The following RAPGEF2 variants were observed in gnomAD, a reference collection of about 807,000 sequenced individuals.
RAPGEF2 encodes the protein PDZ domain containing guanine nucleotide exchange factor (GEF) 1.
A neutral mutation model predicts 186.7 loss-of-function variants in RAPGEF2; 54 were observed. That is an observed-to-expected ratio of 0.29 (90% CI 0.23 to 0.36). The LOEUF (loss-of-function observed/expected upper bound fraction) is 0.36. Among genes scored for constraint, RAPGEF2 ranks in the 10% least tolerant of loss-of-function variants. The probability of loss-of-function intolerance (pLI) is 1.00; values close to 1 mark genes in which losing one functional copy is unlikely to be tolerated. For missense variants in RAPGEF2, 1,532 were observed against 2,045.0 expected (o/e 0.75, Z 4.84); for synonymous variants, 712 against 705.9 (o/e 1.01, Z -0.14).
chr4:159,344,382 G>A (rs572952621), intron 23 of RAPGEF2, among the ~76,000 whole-genome samples: 2 of 152,178 alleles, frequency 1.3e-5, no homozygotes, highest in Admixed American at 1.3e-4. Flanking sequence ...AGTAGGGGGA[G>A]GGGAGGAAGG....
In RAPGEF2 at chr4:159,300,317, T is replaced by C. The variant is rs1579834789; in HGVS notation, c.544-4025T>C. On this transcript the variant is annotated intron_variant, in intron 7 of 29. Coordinates refer to ENST00000691494, the MANE Select transcript of RAPGEF2 (RefSeq NM_001394067.2). ...TATTTAGCAGTGTTTGTGGTTAAAC[T>C]ATGATTCAACCATTTGCCTAAGAGT... Among the ~76,000 whole-genome samples the C allele has an allele frequency of 2.0e-5, 3 of 152,036 alleles. No individual in the cohort carries two copies. In the South Asian group the frequency reaches 6.2e-4, roughly 31 times the overall value.
At chr4:159,203,089 C>T (rs952316116) in intron 3 of RAPGEF2, among the ~76,000 whole-genome samples, 1 of 152,142 alleles carries the variant, frequency 6.6e-6, no homozygotes, top group African/African-American at 2.4e-5. Flanking sequence ...TCAACTTGAT[C>T]GCTTGCATTT....
chr4:159,339,464 C>G (rs139526013), intron 19 of RAPGEF2, 110 bp downstream of exon 19: 1 of 1,320,742 alleles, frequency 7.6e-7, no homozygotes, highest in Non-Finnish European at 1.0e-6. Context: ...AGTGTCCCTG[C>G]GATTAAAAAG....
intron 7 of RAPGEF2, among the ~76,000 whole-genome samples, chr4:159,256,429 T>G (rs1222137740): frequency 6.6e-6 from 1 of 152,266 alleles, no homozygotes; most frequent in Non-Finnish European, 1.5e-5. Context: ...GTATCAAGTT[T>G]TCTTTATCCA....
intron 1 of RAPGEF2, among the ~76,000 whole-genome samples, chr4:159,134,439 A>G (rs771687831): frequency 8.5e-5 from 13 of 152,262 alleles, no homozygotes; most frequent in Admixed American, 5.9e-4. Context: ...TGAAGCTGCT[A>G]TAAATGTTCA....
intron 17 of RAPGEF2, among the ~76,000 whole-genome samples, chr4:159,337,733 C>CA (rs1279696102): frequency 1.3e-5 from 2 of 149,746 alleles, no homozygotes; most frequent in African/African-American, 4.9e-5. Context: ...ACTCAAAATA[C>CA]AAAAAAATTA....
At chr4:159,218,516 G>C (rs1336169146) in intron 4 of RAPGEF2, among the ~76,000 whole-genome samples, 2 of 152,184 alleles carry the variant, frequency 1.3e-5, no homozygotes, top group East Asian at 3.8e-4. Context: ...AGCACTTTGG[G>C]AGGCTGAGGC....
chr4:159,339,474 G>A (rs1373752312), intron 19 of RAPGEF2, 120 bp downstream of exon 19: 1 of 1,272,282 alleles, frequency 7.9e-7, no homozygotes, highest in African/African-American at 1.5e-5. Flanking sequence ...CGATTAAAAA[G>A]TATTGTTGTT....
At chr4:159,261,913 T>G (rs1393780244) in intron 7 of RAPGEF2, among the ~76,000 whole-genome samples, 1 of 152,222 alleles carries the variant, frequency 6.6e-6, no homozygotes, top group African/African-American at 2.4e-5. Context: ...ATAATATTCA[T>G]GTAGGTCTTT....
chr4:159,195,381 C>T (rs577446549), intron 3 of RAPGEF2, among the ~76,000 whole-genome samples: 4 of 152,276 alleles, frequency 2.6e-5, no homozygotes, highest in Non-Finnish European at 4.4e-5. Flanking sequence ...AGTATTTTGT[C>T]TTCCTCTGAA....
intron 1 of RAPGEF2, among the ~76,000 whole-genome samples, chr4:159,107,721 G>A (rs1013688473): frequency 1.3e-5 from 2 of 152,136 alleles, no homozygotes; most frequent in African/African-American, 4.8e-5. Context: ...TTCATCGTGA[G>A]TCATAATGAG....
intron 1 of RAPGEF2, among the ~76,000 whole-genome samples, chr4:159,127,048 C>T (rs1249592612): frequency 2.0e-5 from 3 of 152,114 alleles, no homozygotes; most frequent in South Asian, 4.1e-4. Context: ...TTTCTTGAGA[C>T]GGAGTTTTGC....
chr4:159,176,323 G>A (rs896189857), intron 1 of RAPGEF2, among the ~76,000 whole-genome samples: 6 of 152,026 alleles, frequency 3.9e-5, no homozygotes, highest in East Asian at 1.9e-4. Context: ...GGCACCCTCC[G>A]CCCCCACCTC....
intron 4 of RAPGEF2, among the ~76,000 whole-genome samples, chr4:159,213,925 A>C (rs1367235738): frequency 1.3e-5 from 2 of 152,224 alleles, no homozygotes; most frequent in African/African-American, 2.4e-5. Flanking sequence ...ATATTTATAC[A>C]AGTGCCTGTA....
chr4:159,172,707 T>G (rs1746040609), intron 1 of RAPGEF2, among the ~76,000 whole-genome samples: 1 of 152,130 alleles, frequency 6.6e-6, no homozygotes. Flanking sequence ...ATAAGTAAAG[T>G]GAGATTCTTA....
intron 1 of RAPGEF2, among the ~76,000 whole-genome samples, chr4:159,116,634 C>T (rs546925890): frequency 6.6e-6 from 1 of 152,278 alleles, no homozygotes; most frequent in South Asian, 2.1e-4. Context: ...GCACTATTCA[C>T]AATAGCAAAG....
chr4:159,303,628 T>C (rs1762939304), intron 7 of RAPGEF2, among the ~76,000 whole-genome samples: 1 of 149,686 alleles, frequency 6.7e-6, no homozygotes, highest in Non-Finnish European at 1.5e-5. Flanking sequence ...TAAATATTTG[T>C]CAAATAAGCG....
At chr4:159,155,257 G>A (rs867687884) in intron 1 of RAPGEF2, among the ~76,000 whole-genome samples, 5 of 152,272 alleles carry the variant, frequency 3.3e-5, no homozygotes, top group African/African-American at 9.6e-5. Context: ...GGCAAACACA[G>A]CATTTAAAGC....
At chr4:159,282,118 G>A (rs1313149491) in intron 7 of RAPGEF2, among the ~76,000 whole-genome samples, 1 of 152,152 alleles carries the variant, frequency 6.6e-6, no homozygotes, top group Non-Finnish European at 1.5e-5. Flanking sequence ...ACACACGGTG[G>A]CATCCATGAA....
Sources: gnomAD v4.1 joint callset for allele counts (sites outside exome capture counted in the v4.1 genomes callset) on GRCh38, gnomAD v4.1.1 for gene constraint, MANE v1.5 for transcripts, NCBI Gene and HGNC (gene_info 2026-07-23, HGNC 2026-07-21) for gene names.